Variants in POLR2G observed in about 807,000 individuals in gnomAD.
POLR2G encodes RNA polymerase II subunit G.
POLR2G carries 19 observed loss-of-function variants against 25.7 expected under a neutral mutation model. The observed-to-expected ratio is 0.74, with a 90% CI of 0.52 to 1.08. The LOEUF (loss-of-function observed/expected upper bound fraction) is 1.08. Ranked by LOEUF, POLR2G falls within the 50% of genes least tolerant of loss-of-function variation. The pLI is 0.00. For synonymous variants in POLR2G, 79 were observed against 76.0 expected (o/e 1.04, Z -0.21); for missense variants, 123 against 218.5 (o/e 0.56, Z 2.76).
rs374290797 is a variant in POLR2G, at chr11:62,766,475, G to T, written c.506-19G>T. On this transcript the variant is annotated intron_variant, in intron 7 of 7. Coordinates refer to ENST00000301788, the MANE Select transcript of POLR2G (RefSeq NM_002696.3). ...CCTAAATTCCGGTTCTAACTGATAT[G>T]CTTTTTCTGGTTTCGCAGGGCTTGT... The T allele has an allele frequency of 3.1e-6, 5 of 1,613,814 alleles. No homozygotes were observed. In the African/African-American group the frequency reaches 5.3e-5, roughly 17 times the overall value.
chr11:62,761,674 A>G lies in POLR2G; in HGVS notation c.12+14A>G. ...ATGTTCTACCATGTGAGCAGGGCTC[A>G]GGGTGGCGGCAAGGGCTGGGTGGAA... is the stretch of plus-strand genomic sequence containing the variant. On this transcript the variant is annotated intron_variant, in intron 1 of 7. Coordinates refer to ENST00000301788, the MANE Select transcript of POLR2G (RefSeq NM_002696.3). 1 of 1,612,130 alleles carries G rather than the reference A, an allele frequency of 6.2e-7. No individual in the cohort carries two copies. Among genetic ancestry groups the G allele is most frequent in the Non-Finnish European group, 8.5e-7 (1 of 1,178,630 alleles).
In POLR2G at chr11:62,765,592, AT is replaced by A. The variant is rs1348100242; in HGVS notation, c.400-59del. ...ATGCCCCCGGGCTTACAGTGAAGTG[AT>A]TGTGATGTAACTTCTCATAAACTGA... is the stretch of plus-strand genomic sequence containing the variant. On this transcript the variant is annotated intron_variant, in intron 5 of 7. Coordinates refer to ENST00000301788, the MANE Select transcript of POLR2G (RefSeq NM_002696.3). 4.0e-6 allele frequency: 5 copies of A among 1,246,202 alleles called. No individual in the cohort carries two copies. The African/African-American group carries it at 7.4e-5, about 18-fold the overall frequency. The allele number at this position is 1,246,202 out of a possible 1,614,324, so 77.2% of individuals were successfully genotyped here. A position where few individuals can be genotyped will look rare whatever the true frequency, so the allele number is the denominator to read the frequency against.
At chr11:62,764,158 A>G (rs1054057602) in intron 3 of POLR2G, among the ~76,000 whole-genome samples, 6 of 152,066 alleles carry the variant, frequency 3.9e-5, no homozygotes, top group Admixed American at 2.6e-4. Flanking sequence ...AAGCTCTTTA[A>G]TACTTTAAAA....
At chr11:62,763,938 C>T (rs2134856390) in intron 3 of POLR2G, among the ~76,000 whole-genome samples, 1 of 151,354 alleles carries the variant, frequency 6.6e-6, no homozygotes, top group East Asian at 2.0e-4. Context: ...GATGGGGTTT[C>T]TCCATGTTGG....
chr11:62,763,766 C>T (rs891706542), intron 3 of POLR2G, among the ~76,000 whole-genome samples: 6 of 145,144 alleles, frequency 4.1e-5, no homozygotes, highest in African/African-American at 7.7e-5. Context: ...TTTTTTGAGA[C>T]GGAGTCTAGC....
At chr11:62,763,294 G>C (rs1288977619) in intron 3 of POLR2G, among the ~76,000 whole-genome samples, 1 of 147,812 alleles carries the variant, frequency 6.8e-6, no homozygotes, top group Non-Finnish European at 1.5e-5. Flanking sequence ...ACCATGGCCG[G>C]CTATTTTTTT....
intron 3 of POLR2G, among the ~76,000 whole-genome samples, 196 bp downstream of exon 3, chr11:62,763,222 C>T (rs1360201293): frequency 1.3e-5 from 2 of 150,590 alleles, no homozygotes; most frequent in African/African-American, 4.9e-5. Flanking sequence ...ACCTCTGCCT[C>T]CTAGGTTCAA....
intron 3 of POLR2G, among the ~76,000 whole-genome samples, chr11:62,763,414 C>G (rs1212327790): frequency 1.3e-5 from 2 of 151,916 alleles, no homozygotes; most frequent in Admixed American, 6.6e-5. Context: ...CCTGCCTCAG[C>G]CTCCCAAGTA....
chr11:62,761,941 A>T, intron 2 of POLR2G, 37 bp downstream of exon 2: 1 of 1,443,494 alleles, frequency 6.9e-7, no homozygotes, highest in Non-Finnish European at 9.7e-7. Flanking sequence ...AGATCGTTCG[A>T]TGCGCACACG....
At position 62,762,897 on chromosome 11, in the gene POLR2G, T is replaced by C. The variant is rs1332356398; in HGVS notation, c.153T>C (p.Ile51=). 2 of 1,602,688 alleles carry C rather than the reference T, an allele frequency of 1.2e-6. No individual in the cohort carries two copies. The highest frequency in any genetic ancestry group is 1.7e-6 in the Non-Finnish European group (2 of 1,171,284). The change falls in exon 3 of 8, where the codon ATT becomes ATC. Residue 51 remains isoleucine, a synonymous_variant. Coordinates refer to ENST00000301788, the MANE Select transcript of POLR2G (RefSeq NM_002696.3). The part of the protein sequence containing the change: ...KYGFVIAVTT[I]DNIGAGVIQP... ...GCTTTGTAATTGCTGTCACCACCAT[T>C]GACAATATTGGTGCTGGTGTGATCC...
At position 62,763,022 on chromosome 11, in the gene POLR2G, A is replaced by T; in HGVS notation, c.278A>T (p.Asn93Ile). ...EVVDAVVTQVNKVGLFTEIGP... is the reference protein window; with the variant it reads ...EVVDAVVTQVIKVGLFTEIGP... Reference sequence around the variant, plus strand: ...GTGGATGCTGTTGTCACTCAGGTCAACAAGGTGAGACCATACATAGGGGAG... The same window carrying T: ...GTGGATGCTGTTGTCACTCAGGTCATCAAGGTGAGACCATACATAGGGGAG... The change falls in exon 3 of 8, where the codon AAC (asparagine) becomes ATC (isoleucine). Residue 93 changes from asparagine to isoleucine, a missense_variant. Asn to Ile is a moderately radical substitution (Grantham distance 149). Coordinates refer to ENST00000301788, the MANE Select transcript of POLR2G (RefSeq NM_002696.3). The T allele has an allele frequency of 6.3e-7, 1 of 1,595,344 alleles. No individual in the cohort carries two copies.
Position 62,765,585 on chromosome 11 carries a change from TGAAG to T in POLR2G, c.400-67_400-64del, listed in dbSNP as rs1442295121. 4.2e-6 allele frequency: 5 copies of T among 1,203,508 alleles called. No individual in the cohort carries two copies. The African/African-American group carries it at 7.5e-5, about 18-fold the overall frequency. The allele number at this position is 1,203,508 out of a possible 1,614,324, so 74.6% of individuals were successfully genotyped here. ...ATTCAATATGCCCCCGGGCTTACAG[TGAAG>T]TGATTGTGATGTAACTTCTCATAAA... On this transcript the variant is annotated intron_variant, in intron 5 of 7. Transcript: ENST00000301788.
At chr11:62,765,752 A>G in intron 6 of POLR2G, 28 bp downstream of exon 6, 2 of 1,315,346 alleles carry the variant, frequency 1.5e-6, no homozygotes, top group Non-Finnish European at 2.2e-6. Context: ...CTCTCTACCT[A>G]TACCAGGTTG....
Position 62,765,036 on chromosome 11 carries a change from T to A in POLR2G, c.283-146T>A, listed in dbSNP as rs1281532140. On this transcript the variant is annotated intron_variant, in intron 3 of 7. Coordinates refer to ENST00000301788, the MANE Select transcript of POLR2G (RefSeq NM_002696.3). ...ACCATGCCCGGCTAATTTTTGTATT[T>A]TTAGTAATGACGGGGTTTCACCATG... 23 of 636,240 alleles carry A rather than the reference T, an allele frequency of 3.6e-5. 1 individual carries two copies. The East Asian group carries it at 6.4e-4, about 18-fold the overall frequency. 39.4% of individuals were successfully genotyped at this position (636,240 alleles called of 1,614,324 possible). A position where few individuals can be genotyped will look rare whatever the true frequency, so the allele number is the denominator to read the frequency against.
rs201684523 is a variant in POLR2G at position 62,765,384 on chromosome 11, A to T, written c.378A>T (p.Pro126=). The T allele has an allele frequency of 3.4e-5, 55 of 1,612,934 alleles. No homozygotes were observed. The highest frequency in any genetic ancestry group is 4.4e-5 in the Non-Finnish European group (52 of 1,179,094). The change falls in exon 5 of 8, where the codon CCA becomes CCT. Residue 126 remains proline, a synonymous_variant. Transcript: ENST00000301788. ...EMEFDPNSNP[P]CYKTMDEDIV... is the part of the protein sequence containing the mutation. The stretch of plus-strand genomic sequence containing the variant: ...AGTTTGATCCTAACTCCAACCCACC[A>T]TGTTACAAGACAATGGATGAGGTGA...
chr11:62,761,932 G>A, intron 2 of POLR2G, 28 bp downstream of exon 2: 1 of 1,488,280 alleles, frequency 6.7e-7, no homozygotes, highest in Non-Finnish European at 9.3e-7. Context: ...CGCACCGCCA[G>A]ATCGTTCGAT....
Position 62,761,818 on chromosome 11 carries a change from G to T in POLR2G, c.36G>T (p.Leu12=), listed in dbSNP as rs766624238. ...FYHISLEHEI[L]LHPRYFGPNL... is the part of the protein sequence containing the mutation. ...AGATCTCCCTAGAGCACGAAATCCT[G>T]CTGCACCCGCGCTACTTCGGCCCCA... Residue 12 remains leucine, a synonymous_variant, in exon 2 of 8, where the codon CTG becomes CTT. Transcript: ENST00000301788. 8.7e-6 allele frequency: 14 copies of T among 1,614,028 alleles called. No homozygotes were observed. Among genetic ancestry groups the T allele is most frequent in the East Asian group, 4.5e-5 (2 of 44,876 alleles).
intron 6 of POLR2G, among the ~76,000 whole-genome samples, chr11:62,766,034 G>A (rs1044362020): frequency 2.0e-5 from 3 of 151,868 alleles, no homozygotes; most frequent in African/African-American, 4.8e-5. Flanking sequence ...TGATCCACCC[G>A]ACTCGGCCTC....
At chr11:62,761,713 C>T (rs971033707) in intron 1 of POLR2G, 53 bp downstream of exon 1, 1 of 1,608,918 alleles carries the variant, frequency 6.2e-7, no homozygotes, top group Admixed American at 1.7e-5. Flanking sequence ...AAGAGCAAGG[C>T]CAGGCGCCGG....
Sources: gnomAD v4.1 joint callset for allele counts (sites outside exome capture counted in the v4.1 genomes callset) on GRCh38, gnomAD v4.1.1 for gene constraint, MANE v1.5 for transcripts, NCBI Gene and HGNC (gene_info 2026-07-23, HGNC 2026-07-21) for gene names.